ABCA13: variants seen among roughly 807,000 people sequenced by gnomAD.
ABCA13 encodes the protein ATP-binding cassette sub-family A member 13.
ABCA13 carries 476 observed loss-of-function variants against 478.7 expected under a neutral mutation model. The ratio of observed to expected loss-of-function variants is 0.99; its 90% CI spans 0.92 to 1.07. The LOEUF (loss-of-function observed/expected upper bound fraction) is 1.07. ABCA13 is among the 50% of genes least tolerant of loss of function. The pLI is 0.00. For missense variants in ABCA13, 6,060 were observed against 5,910.6 expected (o/e 1.03, Z -0.83); for synonymous variants, 2,252 against 2,158.9 (o/e 1.04, Z -1.20).
chr7:48,367,917 C>T lies in ABCA13; in HGVS notation c.10803+9C>T. The stretch of plus-strand genomic sequence containing the variant: ...AGATACAGATAGAAGAGGTAAATAT[C>T]CTTAAACCTTGCCTGGGAGACAAAG... On this transcript the variant is annotated intron_variant, in intron 32 of 61. Coordinates refer to ENST00000435803, the MANE Select transcript of ABCA13 (RefSeq NM_152701.5). 1 of 1,549,460 alleles carries T rather than the reference C, an allele frequency of 6.5e-7. No individual in the cohort carries two copies. The highest frequency in any genetic ancestry group is 8.7e-7 in the Non-Finnish European group (1 of 1,143,294).
rs1423675591 is a variant in ABCA13, at chr7:48,245,626, A to T, written c.1491+14A>T. 1 of 1,588,570 alleles carries T rather than the reference A, an allele frequency of 6.3e-7. No individual in the cohort carries two copies. Among genetic ancestry groups the T allele is most frequent in the Non-Finnish European group, 8.6e-7 (1 of 1,169,052 alleles). On this transcript the variant is annotated intron_variant, in intron 12 of 61. Coordinates refer to ENST00000435803, the MANE Select transcript of ABCA13 (RefSeq NM_152701.5). ...GAGCTGAAACAGGTAAAGCACAACA[A>T]ATAATTATAAATAAGCATTTTTAAT...
chr7:48,362,274 A>G lies in ABCA13; in HGVS notation c.10689-5520A>G, dbSNP rs985792529. Reference sequence around the variant, plus strand: ...TTCCTGTGGAGTTTGGCTTTTGGATATTTGTGCTTTGTTACTGTGTGCATT... The same window carrying G: ...TTCCTGTGGAGTTTGGCTTTTGGATGTTTGTGCTTTGTTACTGTGTGCATT... On this transcript the variant is annotated intron_variant, in intron 31 of 61. Coordinates refer to ENST00000435803, the MANE Select transcript of ABCA13 (RefSeq NM_152701.5). 4.1e-4 allele frequency among the ~76,000 whole-genome samples: 61 copies of G among 150,032 alleles called. 1 individual carries two copies. The highest frequency in any genetic ancestry group is 3.2e-3 in the Admixed American group (49 of 15,188).
chr7:48,379,942 C>T (rs879279380), intron 35 of ABCA13, among the ~76,000 whole-genome samples: 5 of 152,128 alleles, frequency 3.3e-5, no homozygotes, highest in African/African-American at 1.2e-4. Context: ...ATTTCAGTTT[C>T]TCCATTCAGC....
Position 48,602,798 on chromosome 7 carries a change from A to T in ABCA13, c.14744+7985A>T, listed in dbSNP as rs536050471. On this transcript the variant is annotated intron_variant, in intron 58 of 61. Coordinates refer to ENST00000435803, the MANE Select transcript of ABCA13 (RefSeq NM_152701.5). The stretch of plus-strand genomic sequence containing the variant: ...TGGTAGCTTGATGGGGATAGCATTG[A>T]ATCTATAAATTATTTTGGACAGTAT... Among the ~76,000 whole-genome samples, 4 of 152,046 alleles carry T rather than the reference A, an allele frequency of 2.6e-5. No individual in the cohort carries two copies. The East Asian group carries it at 5.8e-4, about 22-fold the overall frequency.
At chr7:48,288,985 T>A (rs1207368620) in intron 20 of ABCA13, among the ~76,000 whole-genome samples, 2 of 152,276 alleles carry the variant, frequency 1.3e-5, no homozygotes, top group East Asian at 3.9e-4. Context: ...TGGTTCTGAA[T>A]GTTGTTTCTT....
At chr7:48,594,894 A>C (rs1337981108) in intron 58 of ABCA13, 81 bp downstream of exon 58, 1 of 1,087,514 alleles carries the variant, frequency 9.2e-7, no homozygotes, top group Non-Finnish European at 1.4e-6. Flanking sequence ...GTACCTGCAC[A>C]GTGTTACACA....
At chr7:48,635,586 A>G (rs922901652) in intron 59 of ABCA13, among the ~76,000 whole-genome samples, 2 of 152,134 alleles carry the variant, frequency 1.3e-5, no homozygotes, top group Non-Finnish European at 2.9e-5. Context: ...AGAGCTGGGT[A>G]AAAAAAGGGC....
chr7:48,336,104 T>C (rs548319683), intron 28 of ABCA13, among the ~76,000 whole-genome samples: 2 of 152,318 alleles, frequency 1.3e-5, no homozygotes, highest in East Asian at 1.9e-4. Context: ...GTTCAGAGTA[T>C]GGACTCAGGA....
chr7:48,393,446 A>G (rs1489135372), intron 38 of ABCA13, among the ~76,000 whole-genome samples: 1 of 152,216 alleles, frequency 6.6e-6, no homozygotes, highest in African/African-American at 2.4e-5. Context: ...GCAAGCATGT[A>G]AGTATAACTG....
intron 54 of ABCA13, among the ~76,000 whole-genome samples, chr7:48,527,603 A>AC (rs1289177430): frequency 6.6e-6 from 1 of 152,184 alleles, no homozygotes; most frequent in Non-Finnish European, 1.5e-5. Context: ...GCGAGATTTG[A>AC]TCAAGAACTG....
At chr7:48,490,788 C>G (rs17132380) in intron 48 of ABCA13, among the ~76,000 whole-genome samples, 7 of 152,130 alleles carry the variant, frequency 4.6e-5, no homozygotes, top group Admixed American at 2.6e-4. Context: ...AGAGTATGGA[C>G]TTTAGTAAGC....
At chr7:48,336,429 G>A (rs1194447801) in intron 28 of ABCA13, among the ~76,000 whole-genome samples, 1 of 152,230 alleles carries the variant, frequency 6.6e-6, no homozygotes, top group Non-Finnish European at 1.5e-5. Flanking sequence ...AAGCAAGGTT[G>A]TCAGTGGTGA....
chr7:48,548,688 G>A (rs916426361), intron 55 of ABCA13, among the ~76,000 whole-genome samples: 2 of 151,634 alleles, frequency 1.3e-5, no homozygotes, highest in Admixed American at 6.6e-5. Flanking sequence ...GCTCCCTAGC[G>A]CTTCATGGGA....
At chr7:48,451,678 AAAGCTTTATTATAAAATCTTC>A (rs1286099062) in intron 42 of ABCA13, among the ~76,000 whole-genome samples, 2 of 152,184 alleles carry the variant, frequency 1.3e-5, no homozygotes, top group East Asian at 3.8e-4. Flanking sequence ...TTATGTTTGT[AAAGCTTTATTATAAAATCTTC>A]AAGAACACTT....
intron 42 of ABCA13, among the ~76,000 whole-genome samples, chr7:48,435,751 T>A (rs1303856554): frequency 6.6e-6 from 1 of 151,774 alleles, no homozygotes; most frequent in Admixed American, 6.6e-5. Context: ...TAAAAGTTCT[T>A]TATGTGTCAA....
chr7:48,466,943 C>G lies in ABCA13; in HGVS notation c.12816-13C>G, dbSNP rs1460435834. On this transcript the variant is annotated splice_polypyrimidine_tract_variant and intron_variant, in intron 43 of 61. Transcript: ENST00000435803. The stretch of plus-strand genomic sequence containing the variant: ...ATCCCACTTTGTTTCCTTTGTCTCA[C>G]AATGAACAGCAGCAGTGGGGGCGAC... The G allele has an allele frequency of 7.4e-6, 12 of 1,613,546 alleles. No individual in the cohort carries two copies. The highest frequency in any genetic ancestry group is 1.0e-5 in the Non-Finnish European group (12 of 1,179,650).
At chr7:48,437,412 A>G (rs1308895855) in intron 42 of ABCA13, among the ~76,000 whole-genome samples, 1 of 152,066 alleles carries the variant, frequency 6.6e-6, no homozygotes, top group African/African-American at 2.4e-5. Flanking sequence ...GTATCCATAG[A>G]CTTAAAATGT....
intron 31 of ABCA13, among the ~76,000 whole-genome samples, chr7:48,365,053 C>T (rs1811462318): frequency 1.3e-5 from 2 of 152,148 alleles, no homozygotes; most frequent in African/African-American, 4.8e-5. Flanking sequence ...TCCCTTTTCT[C>T]CAAATCCCTG....
intron 3 of ABCA13, among the ~76,000 whole-genome samples, chr7:48,211,198 G>A (rs1373767753): frequency 2.0e-5 from 3 of 152,228 alleles, no homozygotes; most frequent in African/African-American, 7.2e-5. Context: ...GCATTGAAGA[G>A]TTAGGCATTT....
Sources: gnomAD v4.1 joint callset for allele counts (sites outside exome capture counted in the v4.1 genomes callset) on GRCh38, gnomAD v4.1.1 for gene constraint, MANE v1.5 for transcripts, NCBI Gene and HGNC (gene_info 2026-07-23, HGNC 2026-07-21) for gene names.